The following NSUN3 variants were observed in gnomAD, a reference collection of about 807,000 sequenced individuals.
The protein encoded by NSUN3 is NOP2/Sun RNA methyltransferase 3, also known as tRNA (cytosine(34)-C(5))-methyltransferase, mitochondrial.
A neutral mutation model predicts 36.8 loss-of-function variants in NSUN3; 24 were observed. The ratio of observed to expected loss-of-function variants is 0.65; its 90% CI spans 0.47 to 0.92. The LOEUF is 0.92. NSUN3 is among the 40% of genes least tolerant of loss of function. The pLI is 0.00. For missense variants in NSUN3, 381 were observed against 392.8 expected, an observed-to-expected ratio of 0.97 and a Z score of 0.25; for synonymous variants, 146 against 145.2, an observed-to-expected ratio of 1.01 and a Z score of -0.04.
chr3:94,120,172 C>A (rs755952674), intron 5 of NSUN3, among the ~76,000 whole-genome samples: 1 of 152,204 alleles, frequency 6.6e-6, no homozygotes, highest in Non-Finnish European at 1.5e-5. Context: ...CCAAAATAGT[C>A]ATTTTCATGG....
intron 2 of NSUN3, chr3:94,076,368 C>T (rs760189777): frequency 5.3e-5 from 43 of 812,962 alleles, no homozygotes; most frequent in Non-Finnish European, 8.2e-5. Context: ...GCAGTGTGAG[C>T]GTCAACTGAG....
At chr3:94,120,520 A>G (rs563455848) in intron 5 of NSUN3, among the ~76,000 whole-genome samples, 119 of 152,242 alleles carry the variant, frequency 7.8e-4, no homozygotes, top group South Asian at 2.1e-3. Flanking sequence ...ATCATGTGAT[A>G]TTTCTTTTTT....
At chr3:94,095,919 T>A (rs1263260072) in intron 5 of NSUN3, among the ~76,000 whole-genome samples, 1 of 150,606 alleles carries the variant, frequency 6.6e-6, no homozygotes, top group Non-Finnish European at 1.5e-5. Flanking sequence ...GCTAATTTTT[T>A]TTTTTTTTTT....
At chr3:94,084,534 CG>C in intron 3 of NSUN3, 84 bp downstream of exon 3, 2 of 1,049,254 alleles carry the variant, frequency 1.9e-6, no homozygotes, top group South Asian at 3.7e-5. Flanking sequence ...TGGGGAGAAA[CG>C]TAAGACTGAG....
intron 1 of NSUN3, 123 bp downstream of exon 1, chr3:94,063,261 A>G: frequency 1.0e-6 from 1 of 997,060 alleles, no homozygotes; most frequent in Non-Finnish European, 1.6e-6. Flanking sequence ...TCGCGAGATC[A>G]GCGTTTCTTT....
chr3:94,102,091 A>G (rs2077368141), intron 5 of NSUN3, among the ~76,000 whole-genome samples: 1 of 151,994 alleles, frequency 6.6e-6, no homozygotes. Flanking sequence ...CTCATTGAAA[A>G]AGGAAGCTTA....
At chr3:94,113,066 G>A (rs2077424503) in intron 5 of NSUN3, among the ~76,000 whole-genome samples, 1 of 152,000 alleles carries the variant, frequency 6.6e-6, no homozygotes, top group African/African-American at 2.4e-5. Context: ...GGGTTTCACT[G>A]TGTTAGCCAG....
At chr3:94,064,144 C>A (rs547627650) in intron 1 of NSUN3, 2 of 341,808 alleles carry the variant, frequency 5.9e-6, no homozygotes, top group South Asian at 2.8e-5. Context: ...ACCTGCCTAG[C>A]CCCTACAGTG....
chr3:94,103,370 A>G (rs971822673), intron 5 of NSUN3, among the ~76,000 whole-genome samples: 31 of 151,996 alleles, frequency 2.0e-4, no homozygotes, highest in Non-Finnish European at 3.5e-4. Context: ...TCTTGTTAAC[A>G]ATGGAGTACA....
chr3:94,063,181 C>T (rs1433470326), intron 1 of NSUN3, 43 bp downstream of exon 1: 1 of 1,608,334 alleles, frequency 6.2e-7, no homozygotes, highest in African/African-American at 1.3e-5. Context: ...CTGAATGAGA[C>T]GCTTCTGGAC....
intron 5 of NSUN3, among the ~76,000 whole-genome samples, chr3:94,102,591 T>G (rs997845273): frequency 6.6e-6 from 1 of 152,166 alleles, no homozygotes; most frequent in Non-Finnish European, 1.5e-5. Context: ...TCTTGTTTCT[T>G]TTTTCTTTAA....
At chr3:94,085,056 A>T (rs2077286088) in intron 3 of NSUN3, 1 of 152,410 alleles carries the variant, frequency 6.6e-6, no homozygotes, top group African/African-American at 2.4e-5. Flanking sequence ...AGGTCTTTAA[A>T]ATTGGTTACG....
intron 5 of NSUN3, among the ~76,000 whole-genome samples, chr3:94,113,583 G>T (rs2077427260): frequency 2.0e-5 from 3 of 151,990 alleles, no homozygotes; most frequent in African/African-American, 7.2e-5. Context: ...GATGAACAAA[G>T]AAAAAATAGC....
chr3:94,115,190 A>G (rs79067569), intron 5 of NSUN3, among the ~76,000 whole-genome samples: 2,531 of 152,270 alleles, frequency 0.017, 76 homozygotes, highest in African/African-American at 0.057. Flanking sequence ...GTAGTCTCAT[A>G]TAGGCTTTCT....
At chr3:94,076,393 A>G in intron 2 of NSUN3, 1 of 805,222 alleles carries the variant, frequency 1.2e-6, no homozygotes, top group Non-Finnish European at 2.3e-6. Flanking sequence ...TTGGTTTGGA[A>G]GTATTGTTTG....
Position 94,130,109 on chromosome 3 carries a change from C to G in NSUN3, c.*3619C>G, listed in dbSNP as rs1226845229. 1.3e-5 allele frequency among the ~76,000 whole-genome samples: 2 copies of G among 152,050 alleles called. No individual in the cohort carries two copies. The highest frequency in any genetic ancestry group is 2.9e-5 in the Non-Finnish European group (2 of 68,012). On this transcript the variant is annotated 3_prime_UTR_variant, in exon 6 of 6. Coordinates refer to ENST00000314622, the MANE Select transcript of NSUN3 (RefSeq NM_022072.5). ...AACTCAGGAATAAGTATTATAACCC[C>G]CTTTTGTGAATGAGAAAACCAAAGC... is the stretch of plus-strand genomic sequence containing the variant.
chr3:94,065,084 TTGTC>T (rs2077198907), intron 2 of NSUN3, among the ~76,000 whole-genome samples: 2 of 152,170 alleles, frequency 1.3e-5, no homozygotes. Context: ...GAAATGTGAT[TTGTC>T]TGTTTGGTAA....
chr3:94,116,588 A>G (rs2077441091), intron 5 of NSUN3, among the ~76,000 whole-genome samples: 2 of 152,136 alleles, frequency 1.3e-5, no homozygotes, highest in African/African-American at 4.8e-5. Flanking sequence ...CAATAATTAA[A>G]TTAAGCTTTT....
intron 2 of NSUN3, among the ~76,000 whole-genome samples, chr3:94,074,772 T>C (rs924532488): frequency 3.3e-5 from 5 of 152,320 alleles, no homozygotes; most frequent in African/African-American, 1.2e-4. Flanking sequence ...TGACTTCCTC[T>C]CTTCCTATTT....
Sources: allele counts gnomAD v4.1 joint callset (sites outside exome capture counted in the v4.1 genomes callset), GRCh38; gene constraint gnomAD v4.1.1; transcripts MANE v1.5; gene names NCBI Gene and HGNC (gene_info 2026-07-23, HGNC 2026-07-21).